SLC25A21: variants seen among roughly 807,000 people sequenced by gnomAD.
SLC25A21 encodes the protein mitochondrial 2-oxodicarboxylate carrier.
SLC25A21 carries 47 observed loss-of-function variants against 43.8 expected under a neutral mutation model. That is an observed-to-expected ratio of 1.07 (90% confidence interval 0.85 to 1.37). The LOEUF is 1.37. Among genes scored for constraint, SLC25A21 ranks in the 40% most tolerant of loss-of-function variants. The pLI is 0.00. For synonymous variants in SLC25A21, 131 were observed against 121.3 expected (o/e 1.08, Z -0.52); for missense variants, 352 against 350.2 (o/e 1.00, Z -0.04).
intron 1 of SLC25A21, among the ~76,000 whole-genome samples, chr14:37,019,370 C>A (rs1200256767): frequency 6.6e-6 from 1 of 151,810 alleles, no homozygotes; most frequent in Non-Finnish European, 1.5e-5. Flanking sequence ...GCCACTTTTT[C>A]AGAGAGGCCT....
intron 1 of SLC25A21, among the ~76,000 whole-genome samples, chr14:37,064,716 T>C (rs774054949): frequency 3.3e-5 from 5 of 152,166 alleles, no homozygotes; most frequent in Non-Finnish European, 7.4e-5. Flanking sequence ...TGTCTCTCAA[T>C]TGGTTTACTG....
At chr14:37,091,064 C>T (rs6571783) in intron 1 of SLC25A21, among the ~76,000 whole-genome samples, 143,421 of 152,272 alleles carry the variant, frequency 0.94, 67,649 homozygotes, top group East Asian at 1. Context: ...TCACAACCAA[C>T]GGCACTATAA....
At chr14:36,798,902 AAGAGAGAGAGAGAGAC>A (rs987506556) in intron 3 of SLC25A21, among the ~76,000 whole-genome samples, 10 of 150,770 alleles carry the variant, frequency 6.6e-5, no homozygotes, top group African/African-American at 2.4e-4. Context: ...TAGGGAGAGA[AAGAGAGAGAGAGAGAC>A]AGAGAGAGAG....
At chr14:36,966,594 T>C (rs999670953) in intron 1 of SLC25A21, among the ~76,000 whole-genome samples, 1 of 152,192 alleles carries the variant, frequency 6.6e-6, no homozygotes, top group African/African-American at 2.4e-5. Context: ...TTTCCCTATC[T>C]ACACACTGTA....
chr14:36,815,848 G>T (rs867529595), intron 2 of SLC25A21, among the ~76,000 whole-genome samples: 1 of 152,208 alleles, frequency 6.6e-6, no homozygotes, highest in Middle Eastern at 3.4e-3. Flanking sequence ...TAGGGCTCTT[G>T]TTCCTTCTGT....
chr14:37,146,172 T>G lies in SLC25A21; in HGVS notation c.70+26109A>C, dbSNP rs75338803. The stretch of plus-strand genomic sequence containing the variant: ...AAATAAAACACTTGACATTTATTCA[T>G]TCATCTATTCATTCGACAAATGTTT... On this transcript the variant is annotated intron_variant, in intron 1 of 9. Coordinates refer to ENST00000331299, the MANE Select transcript of SLC25A21 (RefSeq NM_030631.4). 5.5e-3 allele frequency among the ~76,000 whole-genome samples: 839 copies of G among 152,344 alleles called. 9 individuals carry two copies. Among genetic ancestry groups the G allele is most frequent in the African/African-American group, 0.02 (815 of 41,580 alleles).
chr14:37,089,123 A>G (rs1404633302), intron 1 of SLC25A21, among the ~76,000 whole-genome samples: 1 of 152,166 alleles, frequency 6.6e-6, no homozygotes, highest in East Asian at 1.9e-4. Context: ...CACAGTCCAC[A>G]AATTTATACC....
chr14:37,138,515 T>C (rs1963520246), intron 1 of SLC25A21, among the ~76,000 whole-genome samples: 1 of 152,170 alleles, frequency 6.6e-6, no homozygotes, highest in Non-Finnish European at 1.5e-5. Flanking sequence ...TATAGCATTC[T>C]TGCTGCTGAT....
intron 1 of SLC25A21, among the ~76,000 whole-genome samples, chr14:37,074,148 T>C (rs1962230289): frequency 1.3e-5 from 2 of 151,454 alleles, no homozygotes. Context: ...TTAATATAAA[T>C]GAACAAGTAT....
At chr14:37,054,353 T>C (rs1961774376) in intron 1 of SLC25A21, among the ~76,000 whole-genome samples, 1 of 152,210 alleles carries the variant, frequency 6.6e-6, no homozygotes, top group Non-Finnish European at 1.5e-5. Context: ...ACCATCCAGC[T>C]GAGCCCTGCC....
intron 3 of SLC25A21, among the ~76,000 whole-genome samples, chr14:36,791,996 T>A (rs758277087): frequency 1.3e-5 from 2 of 152,174 alleles, no homozygotes; most frequent in Non-Finnish European, 2.9e-5. Flanking sequence ...GGTACACTTT[T>A]CTGTGTTATA....
intron 1 of SLC25A21, among the ~76,000 whole-genome samples, chr14:36,905,158 A>G (rs551429396): frequency 6.6e-6 from 1 of 152,336 alleles, no homozygotes; most frequent in South Asian, 2.1e-4. Context: ...AGATTTCAAG[A>G]TTTATACAGT....
chr14:36,735,476 A>G (rs1435798353), intron 3 of SLC25A21, among the ~76,000 whole-genome samples: 4 of 53,724 alleles, frequency 7.4e-5, no homozygotes, highest in Non-Finnish European at 1.3e-4. Context: ...AGTCCATAAC[A>G]TGTCCCTAAT....
chr14:36,744,452 C>A (rs891118225), intron 3 of SLC25A21, among the ~76,000 whole-genome samples: 1 of 151,980 alleles, frequency 6.6e-6, no homozygotes, highest in Middle Eastern at 3.2e-3. Flanking sequence ...ATACTCTATT[C>A]AATAAATAGT....
intron 1 of SLC25A21, among the ~76,000 whole-genome samples, chr14:36,968,758 T>C (rs562945450): frequency 6.6e-6 from 1 of 152,280 alleles, no homozygotes; most frequent in South Asian, 2.1e-4. Context: ...AGCGATGTTG[T>C]CTTTTCTGTG....
rs182053962 is a variant in SLC25A21 at position 36,934,650 on chromosome 14, T to C, written c.71-59646A>G. 7.9e-5 allele frequency among the ~76,000 whole-genome samples: 12 copies of C among 152,178 alleles called. No homozygotes were observed. The East Asian group carries it at 1.9e-3, about 25-fold the overall frequency. On this transcript the variant is annotated intron_variant, in intron 1 of 9. Transcript: ENST00000331299. ...AAAGAAAGTGGTAGGATTCTGCTTC[T>C]AGTTTATAAAATATAGTTGTTAAAA... is the stretch of plus-strand genomic sequence containing the variant.
At position 36,690,571 on chromosome 14, in the gene SLC25A21, T is replaced by A. The variant is rs538612972; in HGVS notation, c.604-5646A>T. 2.0e-5 allele frequency among the ~76,000 whole-genome samples: 3 copies of A among 152,328 alleles called. No individual in the cohort carries two copies. The South Asian group carries it at 6.2e-4, about 32-fold the overall frequency. On this transcript the variant is annotated intron_variant, in intron 7 of 9. Transcript: ENST00000331299. ...ATCCAGCCAAAAAATATTTATTGGG[T>A]GTCTTTATATGTCCATTCCTACACT...
At chr14:36,928,551 A>G (rs1323092315) in intron 1 of SLC25A21, among the ~76,000 whole-genome samples, 32 of 152,260 alleles carry the variant, frequency 2.1e-4, no homozygotes, top group Admixed American at 1.8e-3. Flanking sequence ...AAATGTATTT[A>G]TCCACAATGC....
intron 1 of SLC25A21, among the ~76,000 whole-genome samples, chr14:36,895,934 T>C (rs1308944258): frequency 2.0e-5 from 3 of 152,314 alleles, no homozygotes; most frequent in East Asian, 3.9e-4. Context: ...TTCTTTTACA[T>C]TTGCTGAGGA....
Sources: allele counts gnomAD v4.1 joint callset (sites outside exome capture counted in the v4.1 genomes callset), GRCh38; gene constraint gnomAD v4.1.1; transcripts MANE v1.5; gene names NCBI Gene and HGNC (gene_info 2026-07-23, HGNC 2026-07-21).